The following ROBO2 variants were observed in gnomAD, a reference collection of about 807,000 sequenced individuals.
ROBO2 encodes the protein roundabout guidance receptor 2.
Under a neutral mutation model 160.8 loss-of-function variants are expected in ROBO2, and 53 were observed. The ratio of observed to expected loss-of-function variants is 0.33; its 90% confidence interval spans 0.26 to 0.41. The LOEUF is 0.41. ROBO2 is among the 10% of genes least tolerant of loss of function. The probability of loss-of-function intolerance (pLI) is 1.00; values close to 1 mark genes in which losing one functional copy is unlikely to be tolerated. For missense variants in ROBO2, 1,577 were observed against 1,722.4 expected (o/e 0.92, Z 1.49); for synonymous variants, 664 against 611.7 (o/e 1.09, Z -1.26).
At chr3:75,910,804 ATATAT>A (rs1405331262) in intron 1 of ROBO2, among the ~76,000 whole-genome samples, 2 of 152,140 alleles carry the variant, frequency 1.3e-5, no homozygotes, top group East Asian at 3.9e-4. Flanking sequence ...TTAAAATAGG[ATATAT>A]TACACAAGAG....
intron 2 of ROBO2, among the ~76,000 whole-genome samples, chr3:77,384,100 G>A (rs978174528): frequency 7.2e-5 from 11 of 152,114 alleles, no homozygotes; most frequent in Non-Finnish European, 1.5e-4. Context: ...AAAGCATGGT[G>A]AGTTTTTTCA....
intron 2 of ROBO2, among the ~76,000 whole-genome samples, chr3:76,132,546 C>T (rs1285129739): frequency 6.6e-6 from 1 of 151,992 alleles, no homozygotes; most frequent in Non-Finnish European, 1.5e-5. Context: ...TGCAAGCAGG[C>T]CTTTCTGAAG....
chr3:77,194,635 C>T lies in ROBO2; in HGVS notation c.388+96295C>T, dbSNP rs138979369. On this transcript the variant is annotated intron_variant, in intron 2 of 25. Transcript: ENST00000461745. ...AATCTTGTTTATAAATCTCTTTTTA[C>T]CAATTTGAAAAAGAACTCTAAAATT... Among the ~76,000 whole-genome samples, 327 of 152,156 alleles carry T rather than the reference C, an allele frequency of 2.1e-3. 2 individuals carry two copies. The highest frequency in any genetic ancestry group is 7.6e-3 in the African/African-American group (316 of 41,528).
chr3:77,392,762 A>T (rs1379320590), intron 2 of ROBO2, among the ~76,000 whole-genome samples: 5 of 152,164 alleles, frequency 3.3e-5, no homozygotes, highest in African/African-American at 1.2e-4. Flanking sequence ...ATTTTGTGGG[A>T]TTTAAACATA....
chr3:76,108,698 G>GT (rs1200731917), intron 2 of ROBO2, among the ~76,000 whole-genome samples: 1 of 151,304 alleles, frequency 6.6e-6, no homozygotes, highest in African/African-American at 2.4e-5. Flanking sequence ...ATTACAAATA[G>GT]TTTTTTTAAG....
At chr3:77,228,213 C>T (rs1299522972) in intron 2 of ROBO2, among the ~76,000 whole-genome samples, 1 of 152,000 alleles carries the variant, frequency 6.6e-6, no homozygotes, top group African/African-American at 2.4e-5. Context: ...ATCACCCAGG[C>T]TGGAGTGCAG....
At chr3:77,593,946 T>G (rs1003999560) in intron 17 of ROBO2, among the ~76,000 whole-genome samples, 2 of 152,156 alleles carry the variant, frequency 1.3e-5, no homozygotes, top group Admixed American at 6.6e-5. Flanking sequence ...AAGATAGGGT[T>G]TATTGGGTTC....
At chr3:75,962,495 C>T (rs571069881) in intron 2 of ROBO2, among the ~76,000 whole-genome samples, 3 of 151,750 alleles carry the variant, frequency 2.0e-5, no homozygotes, top group East Asian at 2.0e-4. Flanking sequence ...TCTTTGCCTC[C>T]GATATAACTG....
intron 2 of ROBO2, among the ~76,000 whole-genome samples, chr3:76,383,547 A>T (rs2076735934): frequency 6.6e-6 from 1 of 152,206 alleles, no homozygotes. Flanking sequence ...ATAGTGCTTA[A>T]ATTACTTGTC....
intron 5 of ROBO2, among the ~76,000 whole-genome samples, chr3:77,517,528 A>G (rs2090148372): frequency 1.3e-5 from 2 of 151,614 alleles, no homozygotes; most frequent in Non-Finnish European, 3.0e-5. Flanking sequence ...AATCAGATTT[A>G]TGTTTATCAA....
At chr3:77,602,404 G>C (rs1397447278) in exon 20 of ROBO2, 1 of 1,614,120 alleles carries the variant, frequency 6.2e-7, no homozygotes, top group Admixed American at 1.7e-5. Flanking sequence ...CGATCTGCCT[G>C]ATCCACAATG....
chr3:76,999,622 T>C (rs2061230764), intron 2 of ROBO2, among the ~76,000 whole-genome samples: 1 of 152,170 alleles, frequency 6.6e-6, no homozygotes. Flanking sequence ...GAAATTTCAG[T>C]TCTTGACTAA....
At chr3:77,120,142 A>G (rs2074604356) in intron 2 of ROBO2, among the ~76,000 whole-genome samples, 1 of 152,212 alleles carries the variant, frequency 6.6e-6, no homozygotes, top group South Asian at 2.1e-4. Context: ...ATGATGACCG[A>G]TAATGATTAC....
chr3:77,138,209 C>T (rs1008130097), intron 2 of ROBO2, among the ~76,000 whole-genome samples: 1 of 152,104 alleles, frequency 6.6e-6, no homozygotes, highest in Non-Finnish European at 1.5e-5. Flanking sequence ...TCATTTTTTG[C>T]AATGAAACCC....
At chr3:76,765,148 T>C (rs1487380686) in intron 2 of ROBO2, among the ~76,000 whole-genome samples, 1 of 151,714 alleles carries the variant, frequency 6.6e-6, no homozygotes, top group Non-Finnish European at 1.5e-5. Context: ...AGTATCTTGA[T>C]TCAGGGCTTT....
intron 2 of ROBO2, among the ~76,000 whole-genome samples, chr3:76,195,779 G>A (rs1702232005): frequency 6.6e-6 from 1 of 152,172 alleles, no homozygotes; most frequent in Non-Finnish European, 1.5e-5. Flanking sequence ...CTGTTCAGCA[G>A]CATTTCCTAA....
chr3:77,488,477 CAT>C (rs1159468523), intron 4 of ROBO2, among the ~76,000 whole-genome samples: 3 of 152,250 alleles, frequency 2.0e-5, no homozygotes, highest in East Asian at 3.9e-4. Flanking sequence ...CTTGTTTTGA[CAT>C]GTTTTAAAAT....
chr3:77,067,016 A>T (rs578030772), intron 1 of ROBO2, among the ~76,000 whole-genome samples: 4 of 136,968 alleles, frequency 2.9e-5, no homozygotes, highest in East Asian at 2.4e-4. Flanking sequence ...ACACACTCTC[A>T]CACACACACA....
chr3:77,589,178 C>T (rs2094125108), intron 17 of ROBO2, among the ~76,000 whole-genome samples: 1 of 151,852 alleles, frequency 6.6e-6, no homozygotes, highest in Admixed American at 6.6e-5. Flanking sequence ...GATAAAAATG[C>T]TTAACTGTTT....
Sources: allele counts gnomAD v4.1 joint callset (sites outside exome capture counted in the v4.1 genomes callset), GRCh38; gene constraint gnomAD v4.1.1; transcripts MANE v1.5; gene names NCBI Gene and HGNC (gene_info 2026-07-23, HGNC 2026-07-21).